The following FHIT variants were observed in gnomAD, a reference collection of about 807,000 sequenced individuals.
The protein encoded by FHIT is bis(5'-adenosyl)-triphosphatase.
FHIT carries 19 observed loss-of-function variants against 17.9 expected under a neutral mutation model. That is an observed-to-expected ratio of 1.06 (90% CI 0.74 to 1.56). FHIT has a LOEUF of 1.56. Ranked by LOEUF, FHIT falls within the 40% of genes most tolerant of loss-of-function variation. FHIT has a pLI of 0.00. For synonymous variants in FHIT, 81 were observed against 69.7 expected (o/e 1.16, Z -0.81); for missense variants, 248 against 189.2 (o/e 1.31, Z -1.82).
chr3:61,059,372 C>CTTTTTTTTTTTT (rs201797361), intron 2 of FHIT, among the ~76,000 whole-genome samples: 22 of 113,260 alleles, frequency 1.9e-4, no homozygotes, highest in East Asian at 2.7e-4. Context: ...TTGCTTTTTC[C>CTTTTTTTTTTTT]TTTTTTTTTT....
chr3:60,185,449 G>C (rs1431744665), intron 5 of FHIT, among the ~76,000 whole-genome samples: 1 of 152,092 alleles, frequency 6.6e-6, no homozygotes. Flanking sequence ...TCTATGTATA[G>C]TTCATTCCTT....
At chr3:61,173,056 A>C (rs2038053298) in intron 2 of FHIT, among the ~76,000 whole-genome samples, 1 of 152,200 alleles carries the variant, frequency 6.6e-6, no homozygotes, top group African/African-American at 2.4e-5. Flanking sequence ...AGATGTTGCC[A>C]TGTCTTCCCA....
intron 5 of FHIT, among the ~76,000 whole-genome samples, chr3:60,383,365 G>T (rs576917474): frequency 1.1e-4 from 16 of 152,162 alleles, no homozygotes; most frequent in African/African-American, 3.4e-4. Flanking sequence ...ATCGCTAGGG[G>T]TTATTAACCA....
rs560924684 is a variant in FHIT, at chr3:60,368,529, TATATATAC to T, written c.103+168323_103+168330del. On this transcript the variant is annotated intron_variant, in intron 5 of 9. Transcript: ENST00000492590. ...GGGTTATTATGAAGCATTTTAGAAA[TATATATAC>T]ATATATACACACACATATGTTCTGC... 3.7e-3 allele frequency among the ~76,000 whole-genome samples: 556 copies of T among 152,228 alleles called. 3 individuals carry two copies. The highest frequency in any genetic ancestry group is 0.012 in the African/African-American group (510 of 41,572).
chr3:59,799,429 C>G (rs1699907693), intron 8 of FHIT, among the ~76,000 whole-genome samples: 1 of 152,184 alleles, frequency 6.6e-6, no homozygotes, highest in East Asian at 1.9e-4. Flanking sequence ...ATGGGGAAGG[C>G]CCTGAAACTC....
intron 3 of FHIT, among the ~76,000 whole-genome samples, chr3:60,831,443 A>G (rs1388388929): frequency 6.6e-6 from 1 of 152,186 alleles, no homozygotes; most frequent in African/African-American, 2.4e-5. Context: ...ATGTTCTTCT[A>G]AAATCTTCAC....
chr3:61,011,204 T>C (rs892944812), intron 3 of FHIT, among the ~76,000 whole-genome samples: 5 of 152,214 alleles, frequency 3.3e-5, no homozygotes. Flanking sequence ...ACTGTGGTTG[T>C]GGAATTCCAC....
intron 4 of FHIT, among the ~76,000 whole-genome samples, chr3:60,763,316 C>A (rs1553720546): frequency 6.6e-6 from 1 of 152,184 alleles, no homozygotes; most frequent in Non-Finnish European, 1.5e-5. Flanking sequence ...TAATATTCTT[C>A]AAATCTGACC....
intron 3 of FHIT, among the ~76,000 whole-genome samples, chr3:60,977,352 G>A (rs573328956): frequency 2.0e-5 from 3 of 152,146 alleles, no homozygotes; most frequent in South Asian, 2.1e-4. Context: ...AGTCAATGGC[G>A]GTTTCCTCAA....
At chr3:61,200,180 G>A (rs1324307587) in intron 2 of FHIT, among the ~76,000 whole-genome samples, 1 of 152,104 alleles carries the variant, frequency 6.6e-6, no homozygotes, top group Non-Finnish European at 1.5e-5. Context: ...GCTCTTCCAT[G>A]CAACTGCACA....
chr3:60,612,646 T>C (rs1392187723), intron 4 of FHIT, among the ~76,000 whole-genome samples: 5 of 152,158 alleles, frequency 3.3e-5, no homozygotes, highest in Non-Finnish European at 5.9e-5. Flanking sequence ...TGGTAAAAGT[T>C]AGTTAAATTT....
chr3:59,773,483 C>G (rs1702164247), intron 8 of FHIT, among the ~76,000 whole-genome samples: 1 of 152,210 alleles, frequency 6.6e-6, no homozygotes, highest in East Asian at 1.9e-4. Flanking sequence ...TGCTTTGACT[C>G]ACTTAATCGA....
At chr3:60,725,507 A>C (rs1553709225) in intron 4 of FHIT, among the ~76,000 whole-genome samples, 1 of 152,120 alleles carries the variant, frequency 6.6e-6, no homozygotes, top group East Asian at 1.9e-4. Flanking sequence ...TTGTGTGTGG[A>C]TATCCAGTTG....
At chr3:60,665,890 T>G (rs1293628243) in intron 4 of FHIT, among the ~76,000 whole-genome samples, 1 of 152,102 alleles carries the variant, frequency 6.6e-6, no homozygotes, top group Non-Finnish European at 1.5e-5. Context: ...AACCTAAACA[T>G]TTTTTAGGAT....
chr3:60,443,491 GAAT>G (rs1292394322), intron 5 of FHIT, among the ~76,000 whole-genome samples: 1 of 152,114 alleles, frequency 6.6e-6, no homozygotes, highest in Non-Finnish European at 1.5e-5. Context: ...AAGGGCTGTT[GAAT>G]TTTATCAAAG....
intron 2 of FHIT, among the ~76,000 whole-genome samples, chr3:61,196,420 C>G (rs1333460065): frequency 6.6e-6 from 1 of 151,908 alleles, no homozygotes; most frequent in Non-Finnish European, 1.5e-5. Flanking sequence ...TTTACCAAAA[C>G]TTGCTTTTAA....
chr3:61,137,495 C>T (rs1406702897), intron 2 of FHIT, among the ~76,000 whole-genome samples: 1 of 152,082 alleles, frequency 6.6e-6, no homozygotes, highest in African/African-American at 2.4e-5. Context: ...AGCCCTGTCT[C>T]ACTATGCTGC....
chr3:60,640,247 G>A (rs1469509880), intron 4 of FHIT, among the ~76,000 whole-genome samples: 2 of 152,012 alleles, frequency 1.3e-5, no homozygotes, highest in African/African-American at 4.8e-5. Flanking sequence ...CTCAATGAAT[G>A]AATTTTACAT....
chr3:60,517,191 T>C (rs1190775996), intron 5 of FHIT, among the ~76,000 whole-genome samples: 1 of 152,208 alleles, frequency 6.6e-6, no homozygotes, highest in Non-Finnish European at 1.5e-5. Context: ...GTTAAATATA[T>C]TTTTACCTGT....
Sources: gnomAD v4.1 joint callset for allele counts (sites outside exome capture counted in the v4.1 genomes callset) on GRCh38, gnomAD v4.1.1 for gene constraint, MANE v1.5 for transcripts, NCBI Gene and HGNC (gene_info 2026-07-23, HGNC 2026-07-21) for gene names.